CRHR1: variants seen among roughly 807,000 people sequenced by gnomAD.
The protein encoded by CRHR1 is corticotropin-releasing hormone receptor 1.
In CRHR1, 28 loss-of-function variants were observed where a neutral mutation model predicts 56.0. The observed-to-expected ratio is 0.50, with a 90% confidence interval of 0.37 to 0.69. CRHR1 has a LOEUF of 0.69. Ranked by LOEUF, CRHR1 falls within the 30% of genes least tolerant of loss-of-function variation. CRHR1 has a pLI of 0.00. For synonymous variants in CRHR1, 195 were observed against 216.5 expected, an observed-to-expected ratio of 0.90 and a Z score of 0.87; for missense variants, 376 against 548.0, an observed-to-expected ratio of 0.69 and a Z score of 3.13.
At chr17:45,832,515 C>T (rs987546017) in intron 8 of CRHR1, among the ~76,000 whole-genome samples, 1 of 152,218 alleles carries the variant, frequency 6.6e-6, no homozygotes, top group African/African-American at 2.4e-5. Flanking sequence ...CTTATGAGAT[C>T]TAGCCACTGG....
chr17:45,825,451 C>T (rs1414170266), intron 4 of CRHR1: 1 of 154,558 alleles, frequency 6.5e-6, no homozygotes, highest in East Asian at 1.9e-4. Flanking sequence ...CTTGCACACA[C>T]TCTATCCCCT....
chr17:45,824,294 G>A (rs1362364392), intron 4 of CRHR1, among the ~76,000 whole-genome samples: 4 of 152,162 alleles, frequency 2.6e-5, no homozygotes, highest in Non-Finnish European at 4.4e-5. Context: ...AGGACCACAC[G>A]CCATTGCAGA....
intron 4 of CRHR1, among the ~76,000 whole-genome samples, chr17:45,828,240 T>C (rs2062209332): frequency 6.6e-6 from 1 of 152,192 alleles, no homozygotes; most frequent in Non-Finnish European, 1.5e-5. Flanking sequence ...GACTGACCAG[T>C]CCCCTATTAT....
intron 1 of CRHR1, chr17:45,800,738 TC>T (rs1347880492): frequency 1.3e-5 from 2 of 152,234 alleles, no homozygotes; most frequent in African/African-American, 4.8e-5. Flanking sequence ...GCCAGTGCGG[TC>T]CCTGACCCCT....
chr17:45,785,330 G>T (rs918258874), intron 1 of CRHR1, among the ~76,000 whole-genome samples: 2 of 152,250 alleles, frequency 1.3e-5, no homozygotes, highest in African/African-American at 4.8e-5. Context: ...GGCGGCCCGC[G>T]GGTTGTGTGA....
intron 2 of CRHR1, among the ~76,000 whole-genome samples, chr17:45,810,936 C>T (rs912862672): frequency 1.7e-4 from 26 of 152,246 alleles, no homozygotes; most frequent in Non-Finnish European, 2.5e-4. Context: ...TGGGCAAGAA[C>T]GTGTGTTTCA....
At chr17:45,785,040 C>T (rs867020611) in intron 1 of CRHR1, among the ~76,000 whole-genome samples, 31 of 152,220 alleles carry the variant, frequency 2.0e-4, no homozygotes, top group African/African-American at 6.8e-4. Context: ...CGTCCTGCCC[C>T]TTCCCCTCCG....
Position 45,834,201 on chromosome 17 carries a change from G to T in CRHR1, c.1107+153G>T, listed in dbSNP as rs1477506662. ...GTATGCTGCTGGGAGCCCCAGGGTG[G>T]CCCCTCCCACCTGTCCACTCCCACA... On this transcript the variant is annotated intron_variant, in intron 12 of 12. Coordinates refer to ENST00000314537, the MANE Select transcript of CRHR1 (RefSeq NM_004382.5). Among the ~76,000 whole-genome samples the T allele has an allele frequency of 3.3e-5, 5 of 152,112 alleles. No homozygotes were observed. In the South Asian group the frequency reaches 8.3e-4, roughly 25 times the overall value.
intron 2 of CRHR1, among the ~76,000 whole-genome samples, 193 bp from the exon 3 acceptor site, chr17:45,816,270 T>G (rs1423496976): frequency 6.6e-6 from 1 of 152,192 alleles, no homozygotes; most frequent in Non-Finnish European, 1.5e-5. Flanking sequence ...AGCATCAGAT[T>G]CAGATTTCTT....
intron 3 of CRHR1, among the ~76,000 whole-genome samples, chr17:45,819,847 A>AGAGGCCACATCTACTTTTCAGCCCTG (rs1371574261): frequency 9.2e-5 from 14 of 152,194 alleles, no homozygotes; most frequent in Non-Finnish European, 1.9e-4. Flanking sequence ...GCGAGAGAGG[A>AGAGGCCACATCTACTTTTCAGCCCTG]GAGGCCACAT....
At chr17:45,820,949 A>G (rs1157214396) in intron 3 of CRHR1, among the ~76,000 whole-genome samples, 1 of 152,092 alleles carries the variant, frequency 6.6e-6, no homozygotes, top group Non-Finnish European at 1.5e-5. Flanking sequence ...GTGAAAATTG[A>G]CTCATGAGGT....
chr17:45,786,189 A>C (rs1023412914), intron 1 of CRHR1, among the ~76,000 whole-genome samples: 1 of 150,132 alleles, frequency 6.7e-6, no homozygotes, highest in Non-Finnish European at 1.5e-5. Context: ...CCTTTCATAG[A>C]ATTGTGTGCA....
At chr17:45,792,578 A>G (rs1032948103) in intron 1 of CRHR1, among the ~76,000 whole-genome samples, 1 of 152,114 alleles carries the variant, frequency 6.6e-6, no homozygotes, top group Non-Finnish European at 1.5e-5. Flanking sequence ...TCTGCCCCCA[A>G]GTCTTTCTGT....
intron 7 of CRHR1, 116 bp downstream of exon 7, chr17:45,830,686 G>A: frequency 1.5e-6 from 2 of 1,375,790 alleles, no homozygotes; most frequent in Admixed American, 2.1e-5. Context: ...GGTTGGGGCG[G>A]TAAGGTGTGC....
chr17:45,795,514 A>G (rs1053145385), intron 1 of CRHR1, among the ~76,000 whole-genome samples: 2 of 151,814 alleles, frequency 1.3e-5, no homozygotes, highest in African/African-American at 4.8e-5. Flanking sequence ...TGCCAGTCGC[A>G]CCTCCCCCTT....
intron 4 of CRHR1, among the ~76,000 whole-genome samples, chr17:45,821,717 G>A (rs528808194): frequency 2.4e-4 from 36 of 152,280 alleles, no homozygotes; most frequent in Admixed American, 5.2e-4. Context: ...TCGGGCAGCC[G>A]CTTGCACTGG....
At chr17:45,803,779 T>TGTGTGTGC (rs1371508322) in intron 1 of CRHR1, among the ~76,000 whole-genome samples, 49 of 151,962 alleles carry the variant, frequency 3.2e-4, no homozygotes, top group African/African-American at 7.0e-4. Context: ...TGTGTGTGCG[T>TGTGTGTGC]GCGCGTGCGC....
At chr17:45,830,813 G>T in intron 7 of CRHR1, 67 bp from the exon 8 acceptor site, 1 of 1,515,832 alleles carries the variant, frequency 6.6e-7, no homozygotes, top group South Asian at 1.2e-5. Context: ...GGGCTGCACT[G>T]GGGTTCTCCA....
chr17:45,824,199 C>T (rs1013861973), intron 4 of CRHR1, among the ~76,000 whole-genome samples: 3 of 152,226 alleles, frequency 2.0e-5, no homozygotes, highest in Admixed American at 6.5e-5. Flanking sequence ...GTGAGGAGCC[C>T]GTAGCCTGGC....
Sources: allele counts gnomAD v4.1 joint callset (sites outside exome capture counted in the v4.1 genomes callset), GRCh38; gene constraint gnomAD v4.1.1; transcripts MANE v1.5; gene names NCBI Gene and HGNC (gene_info 2026-07-23, HGNC 2026-07-21).